NETO1: variants seen among roughly 807,000 people sequenced by gnomAD.
NETO1 encodes the protein neuropilin and tolloid-like protein 1.
NETO1 carries 26 observed loss-of-function variants against 61.3 expected under a neutral mutation model. The ratio of observed to expected loss-of-function variants is 0.42; its 90% CI spans 0.31 to 0.59. The LOEUF (loss-of-function observed/expected upper bound fraction) is 0.59. Among genes scored for constraint, NETO1 ranks in the 20% least tolerant of loss-of-function variants. NETO1 has a pLI of 0.12. For missense variants in NETO1, 531 were observed against 662.8 expected (o/e 0.80, Z 2.18); for synonymous variants, 225 against 225.8 (o/e 1.00, Z 0.03).
intron 7 of NETO1, among the ~76,000 whole-genome samples, chr18:72,763,155 A>G (rs2000726): frequency 0.29 from 44,569 of 151,092 alleles, 7,726 homozygotes; most frequent in South Asian, 0.41. Flanking sequence ...AAATCCAGAA[A>G]TCTGCTAAAT....
At chr18:72,837,432 G>T (rs562085679) in intron 4 of NETO1, among the ~76,000 whole-genome samples, 27 of 152,188 alleles carry the variant, frequency 1.8e-4, no homozygotes, top group African/African-American at 6.5e-4. Flanking sequence ...TCTTCCTTAC[G>T]GTGACAATAT....
chr18:72,773,550 G>C (rs765934626), intron 7 of NETO1, among the ~76,000 whole-genome samples: 1 of 152,092 alleles, frequency 6.6e-6, no homozygotes, highest in African/African-American at 2.4e-5. Flanking sequence ...GTCAAGCGCA[G>C]GAACAGGTGG....
chr18:72,830,198 C>A lies in NETO1; in HGVS notation c.469+28628G>T, dbSNP rs2073529512. 6.6e-6 allele frequency among the ~76,000 whole-genome samples: 1 copy of A among 152,054 alleles called. No individual in the cohort carries two copies. The highest frequency in any genetic ancestry group is 2.1e-4 in the South Asian group (1 of 4,822). ...GTCCACAGCATAGAGGAAGCGGCGG[C>A]ACAGGGAAGGAAGCAGCCCTCCCAA... is the stretch of plus-strand genomic sequence containing the variant. On this transcript the variant is annotated intron_variant, in intron 4 of 10. Transcript: ENST00000327305. This position sits in a 1 kb window ranked among gnomAD's most constrained non-coding sequence, Gnocchi z 4.9.
Position 72,783,838 on chromosome 18 carries a change from C to T in NETO1, c.708G>A (p.Val236=), listed in dbSNP as rs2071823754. The change falls in exon 7 of 11, where the codon GTG becomes GTA. Residue 236 remains valine (V), a synonymous_variant. Coordinates refer to ENST00000327305, the MANE Select transcript of NETO1 (RefSeq NM_138966.5). ...CCTCCACGGAACTGCTTCCATCATA[C>T]ACAGCCACAAAATTCCTCTTGCACT... ...SNECKRNFVA[V]YDGSSSVEDL... 6.2e-7 allele frequency: 1 copy of T among 1,614,102 alleles called. No homozygotes were observed. The highest frequency in any genetic ancestry group is 1.1e-5 in the South Asian group (1 of 91,082).
At chr18:72,861,740 G>A (rs1469094529) in intron 3 of NETO1, among the ~76,000 whole-genome samples, 1 of 152,134 alleles carries the variant, frequency 6.6e-6, no homozygotes, top group African/African-American at 2.4e-5. Flanking sequence ...GACCACTTAT[G>A]TATCCCTCTT....
At chr18:72,780,152 T>C (rs2071687665) in intron 7 of NETO1, among the ~76,000 whole-genome samples, 1 of 152,200 alleles carries the variant, frequency 6.6e-6, no homozygotes. Flanking sequence ...GGTGGTAACA[T>C]GACTAAAGGA....
At position 72,745,621 on chromosome 18, in the gene NETO1, T is replaced by C. The variant is rs2070414770; in HGVS notation, c.*2558A>G. ...TCTATGTGTGTCACCACCTTTAGAA[T>C]GTGGGCCAAAGGCTGCATTCAGGTG... On this transcript the variant is annotated 3_prime_UTR_variant, in exon 11 of 11. Transcript: ENST00000327305. 1 of 152,216 alleles carries C rather than the reference T, an allele frequency of 6.6e-6. No individual in the cohort carries two copies. The highest frequency in any genetic ancestry group is 1.5e-5 in the Non-Finnish European group (1 of 68,022). 9.4% of individuals were successfully genotyped at this position (152,216 alleles called of 1,614,324 possible).
At chr18:72,764,850 T>A (rs188083105) in intron 7 of NETO1, among the ~76,000 whole-genome samples, 27 of 152,224 alleles carry the variant, frequency 1.8e-4, no homozygotes, top group African/African-American at 6.0e-4. Flanking sequence ...CTCAAGACCA[T>A]CCTTGGGTCC....
chr18:72,815,758 T>G (rs2073012209), intron 4 of NETO1, among the ~76,000 whole-genome samples: 1 of 152,194 alleles, frequency 6.6e-6, no homozygotes, highest in Non-Finnish European at 1.5e-5. Flanking sequence ...GATTTTGGAC[T>G]GAGTAGGGTT....
chr18:72,802,037 G>C (rs2072523659), intron 4 of NETO1, among the ~76,000 whole-genome samples: 1 of 151,704 alleles, frequency 6.6e-6, no homozygotes, highest in Non-Finnish European at 1.5e-5. Flanking sequence ...GAAAATATGA[G>C]AAAATGTATC....
intron 7 of NETO1, among the ~76,000 whole-genome samples, chr18:72,770,357 T>C (rs1490436418): frequency 6.6e-6 from 1 of 152,122 alleles, no homozygotes; most frequent in African/African-American, 2.4e-5. Flanking sequence ...ATTTTGATTA[T>C]GATGTTTCTG....
chr18:72,822,438 G>A (rs753941314), intron 4 of NETO1, among the ~76,000 whole-genome samples: 7 of 152,160 alleles, frequency 4.6e-5, no homozygotes, highest in African/African-American at 7.2e-5. Context: ...CACCGCCACC[G>A]TCCCGTCCCC....
chr18:72,782,355 A>G (rs751884520), intron 7 of NETO1, among the ~76,000 whole-genome samples: 3 of 152,092 alleles, frequency 2.0e-5, no homozygotes, highest in Non-Finnish European at 4.4e-5. Flanking sequence ...AACGATTTAT[A>G]CTCAGTATTG....
intron 8 of NETO1, among the ~76,000 whole-genome samples, chr18:72,753,106 C>A (rs915942704): frequency 2.0e-5 from 3 of 151,800 alleles, no homozygotes; most frequent in East Asian, 3.9e-4. Flanking sequence ...ACAACAACAA[C>A]AAAAAACTAG....
intron 4 of NETO1, among the ~76,000 whole-genome samples, chr18:72,849,147 T>C (rs1471147641): frequency 6.6e-6 from 1 of 152,202 alleles, no homozygotes; most frequent in Non-Finnish European, 1.5e-5. Context: ...TAAGGCATGC[T>C]TTTCCAATCT....
At chr18:72,865,481 A>C in intron 1 of NETO1, 7 of 1,445,768 alleles carry the variant, frequency 4.8e-6, no homozygotes, top group Non-Finnish European at 6.7e-6. Flanking sequence ...TCCTAAGGCA[A>C]ATACATCATT....
At chr18:72,767,743 G>GAGGA (rs975638603) in intron 7 of NETO1, among the ~76,000 whole-genome samples, 4 of 151,976 alleles carry the variant, frequency 2.6e-5, no homozygotes, top group Non-Finnish European at 4.4e-5. Flanking sequence ...AGGGAGGTAA[G>GAGGA]AGGAAGGAAG....
At chr18:72,807,836 T>A (rs1280949732) in intron 4 of NETO1, among the ~76,000 whole-genome samples, 1 of 152,144 alleles carries the variant, frequency 6.6e-6, no homozygotes, top group Non-Finnish European at 1.5e-5. Flanking sequence ...TGTTGTTGTA[T>A]GTTGCTGTTG....
chr18:72,861,930 C>T (rs896520343), intron 3 of NETO1, among the ~76,000 whole-genome samples: 2 of 152,178 alleles, frequency 1.3e-5, no homozygotes, highest in African/African-American at 4.8e-5. Context: ...CTGTTTTTCA[C>T]TTATTTTTCT....
Sources: gnomAD v4.1 joint callset for allele counts (sites outside exome capture counted in the v4.1 genomes callset) on GRCh38, gnomAD v4.1.1 for gene constraint, Gnocchi (gnomAD v3.1) non-coding constraint, MANE v1.5 for transcripts, NCBI Gene and HGNC (gene_info 2026-07-23, HGNC 2026-07-21) for gene names.